Variants in EXOC1 observed in about 807,000 individuals in gnomAD.
EXOC1 encodes the protein SEC3-like 1.
Under a neutral mutation model 107.7 loss-of-function variants are expected in EXOC1, and 67 were observed. That is an observed-to-expected ratio of 0.62 (90% CI 0.51 to 0.76). The LOEUF (loss-of-function observed/expected upper bound fraction) is 0.76, where lower values mean the gene tolerates loss of function less well. Among genes scored for constraint, EXOC1 ranks in the 30% least tolerant of loss-of-function variants. EXOC1 has a pLI of 0.00. For synonymous variants in EXOC1, 348 were observed against 353.5 expected (o/e 0.98, Z 0.17); for missense variants, 833 against 1,055.7 (o/e 0.79, Z 2.92).
rs1488481483 is a variant in EXOC1 at position 55,883,935 on chromosome 4, T to C, written c.1330+7T>C. On this transcript the variant is annotated splice_region_variant and intron_variant, in intron 10 of 18. Transcript: ENST00000381295. ...AAAGAAAGCAAGAAGTTTGGTAAGC[T>C]TAGGCATGTCAGTTCATTATCTTCC... The C allele has an allele frequency of 6.3e-7, 1 of 1,584,622 alleles. No homozygotes were observed. Among genetic ancestry groups the C allele is most frequent in the Non-Finnish European group, 8.6e-7 (1 of 1,163,632 alleles).
intron 15 of EXOC1, among the ~76,000 whole-genome samples, chr4:55,896,056 C>T (rs1249919985): frequency 6.6e-6 from 1 of 152,148 alleles, no homozygotes; most frequent in Non-Finnish European, 1.5e-5. Flanking sequence ...TCAGTAATTG[C>T]CTTGTACTCA....
intron 3 of EXOC1, among the ~76,000 whole-genome samples, chr4:55,863,119 C>G (rs555559695): frequency 6.6e-6 from 1 of 152,178 alleles, no homozygotes; most frequent in Admixed American, 6.5e-5. Context: ...AGGCCAGTCT[C>G]AAATTCCTGG....
intron 15 of EXOC1, among the ~76,000 whole-genome samples, chr4:55,895,820 T>C (rs1420007880): frequency 6.6e-6 from 1 of 152,186 alleles, no homozygotes; most frequent in Non-Finnish European, 1.5e-5. Context: ...AAGTGACTAA[T>C]AAATATATGG....
chr4:55,891,820 A>T (rs139284771), intron 13 of EXOC1, among the ~76,000 whole-genome samples: 1 of 152,214 alleles, frequency 6.6e-6, no homozygotes. Flanking sequence ...AACAATAATG[A>T]TAAATAAAAG....
chr4:55,897,009 T>C (rs1725286738), intron 16 of EXOC1, 109 bp downstream of exon 16: 1 of 836,616 alleles, frequency 1.2e-6, no homozygotes, highest in African/African-American at 1.8e-5. Context: ...TTATAATCTT[T>C]TTTAGGTTTT....
chr4:55,872,024 T>C lies in EXOC1; in HGVS notation c.1074+66T>C, dbSNP rs535870476. On this transcript the variant is annotated intron_variant, in intron 8 of 18. Coordinates refer to ENST00000381295, the MANE Select transcript of EXOC1 (RefSeq NM_001024924.2). Reference sequence around the variant, plus strand: ...CTTATTTATGTATTAACCTTACATTTCCACAAAAATGTTAATATGTTTAAT... The same window carrying C: ...CTTATTTATGTATTAACCTTACATTCCCACAAAAATGTTAATATGTTTAAT... 5.1e-6 allele frequency: 7 copies of C among 1,377,634 alleles called. 1 individual carries two copies. The South Asian group carries it at 9.1e-5, about 18-fold the overall frequency. 85.3% of individuals were successfully genotyped at this position (1,377,634 alleles called of 1,614,324 possible).
chr4:55,886,242 G>A (rs946739912), intron 10 of EXOC1, among the ~76,000 whole-genome samples: 3 of 151,978 alleles, frequency 2.0e-5, no homozygotes, highest in African/African-American at 4.8e-5. Flanking sequence ...TATTTTCAAC[G>A]TGTAATGGGT....
intron 4 of EXOC1, among the ~76,000 whole-genome samples, 200 bp downstream of exon 4, chr4:55,864,586 C>T (rs1033217771): frequency 6.6e-6 from 1 of 152,232 alleles, no homozygotes. Flanking sequence ...ACCACTTATT[C>T]TTCAGCAATA....
At position 55,896,863 on chromosome 4, in the gene EXOC1, A is replaced by G. The variant is rs1309199626; in HGVS notation, c.2100A>G (p.Lys700=). The G allele has an allele frequency of 6.2e-7, 1 of 1,606,898 alleles. No homozygotes were observed. The highest frequency in any genetic ancestry group is 8.5e-7 in the Non-Finnish European group (1 of 1,177,888). ...CTGAGCGTCGTGGAGACCTGGATAA[A>G]GCATACACCAAACTTATCAGAGGAG... ...KNAERRGDLD[K]AYTKLIRGVF... Residue 700 remains lysine, a synonymous_variant, in exon 16 of 19, where the codon AAA becomes AAG. Transcript: ENST00000381295.
At chr4:55,894,219 G>A (rs1724918066) in intron 15 of EXOC1, among the ~76,000 whole-genome samples, 2 of 151,954 alleles carry the variant, frequency 1.3e-5, no homozygotes, top group African/African-American at 2.4e-5. Context: ...CAACTACTCG[G>A]GAGGCTGAGG....
intron 4 of EXOC1, among the ~76,000 whole-genome samples, chr4:55,866,361 AAG>A (rs977518202): frequency 1.3e-5 from 2 of 152,158 alleles, no homozygotes; most frequent in Admixed American, 1.3e-4. Context: ...CTTTTTAAAA[AAG>A]AATCTTTGAC....
chr4:55,902,968 C>T (rs1277613110), intron 18 of EXOC1, among the ~76,000 whole-genome samples: 1 of 151,470 alleles, frequency 6.6e-6, no homozygotes, highest in Admixed American at 6.6e-5. Context: ...CATAGCAAGA[C>T]CTTGTCTCTA....
chr4:55,876,534 C>G, intron 8 of EXOC1: 2 of 944,714 alleles, frequency 2.1e-6, no homozygotes, highest in Non-Finnish European at 2.5e-6. Context: ...CAAGCTTAGT[C>G]TGAGTTTTCA....
In EXOC1 at chr4:55,888,905, G is replaced by C. The variant is rs771228009; in HGVS notation, c.1348G>C (p.Glu450Gln). The change falls in exon 11 of 19, where the codon GAA becomes CAA. Residue 450 changes from glutamate to glutamine, a missense_variant. Transcript: ENST00000381295. ...SKKFATLPRKESAVKQETESL... is the reference protein window; with the variant it reads ...SKKFATLPRKQSAVKQETESL... ...CATCACAGCTACACTGCCTCGAAAA[G>C]AAAGTGCTGTCAAACAGGAAACAGA... 15 of 1,613,576 alleles carry C rather than the reference G, an allele frequency of 9.3e-6. No individual in the cohort carries two copies. In the East Asian group the frequency reaches 3.3e-4, roughly 36 times the overall value.
At chr4:55,903,849 T>G (rs1319598460) in intron 18 of EXOC1, among the ~76,000 whole-genome samples, 1 of 152,150 alleles carries the variant, frequency 6.6e-6, no homozygotes, top group Non-Finnish European at 1.5e-5. Flanking sequence ...TTTGCTGTCC[T>G]CCAAGGCATC....
chr4:55,889,814 A>G (rs553373509), intron 11 of EXOC1, among the ~76,000 whole-genome samples: 3 of 152,342 alleles, frequency 2.0e-5, no homozygotes, highest in South Asian at 4.1e-4. Context: ...TCTGAAGTAT[A>G]ACAAAGTCAT....
At chr4:55,868,086 T>A (rs992711587) in intron 4 of EXOC1, among the ~76,000 whole-genome samples, 3 of 152,330 alleles carry the variant, frequency 2.0e-5, no homozygotes, top group South Asian at 2.1e-4. Flanking sequence ...GGTGAAAGCC[T>A]GTTTTAACAT....
chr4:55,870,559 T>C (rs995048862), intron 5 of EXOC1, 119 bp from the exon 6 acceptor site: 6 of 881,618 alleles, frequency 6.8e-6, no homozygotes, highest in African/African-American at 6.8e-5. Flanking sequence ...ATTTTTGTTA[T>C]GCTACTTTCA....
intron 9 of EXOC1, 171 bp from the exon 10 acceptor site, chr4:55,883,652 C>T: frequency 8.7e-6 from 4 of 460,924 alleles, no homozygotes; most frequent in South Asian, 8.4e-5. Flanking sequence ...GTTATGATGC[C>T]TATTCAATTG....
Sources: allele counts gnomAD v4.1 joint callset (sites outside exome capture counted in the v4.1 genomes callset), GRCh38; gene constraint gnomAD v4.1.1; transcripts MANE v1.5; gene names NCBI Gene and HGNC (gene_info 2026-07-23, HGNC 2026-07-21).